PDLIM2: variants seen among roughly 807,000 people sequenced by gnomAD.
PDLIM2 encodes PDZ and LIM domain 2.
A neutral mutation model predicts 54.1 loss-of-function variants in PDLIM2; 51 were observed. That is an observed-to-expected ratio of 0.94 (90% confidence interval 0.75 to 1.19). The LOEUF is 1.19. Among genes scored for constraint, PDLIM2 ranks in the 50% most tolerant of loss-of-function variants. The probability of loss-of-function intolerance (pLI) is 0.00; values close to 1 mark genes in which losing one functional copy is unlikely to be tolerated. For missense variants in PDLIM2, 912 were observed against 874.0 expected (o/e 1.04, Z -0.55); for synonymous variants, 398 against 385.6 (o/e 1.03, Z -0.38).
At chr8:22,579,771 A>AG (rs753738989) in intron 1 of PDLIM2, 1 of 424,690 alleles carries the variant, frequency 2.4e-6, no homozygotes. Context: ...CTGGCTCCAG[A>AG]GCTAGAGGCT....
intron 2 of PDLIM2, 44 bp downstream of exon 1, chr8:22,580,741 C>T (rs372047724): frequency 2.8e-5 from 45 of 1,593,824 alleles, no homozygotes; most frequent in African/African-American, 5.4e-5. Flanking sequence ...CTGCCAGAAG[C>T]GAGGTCGGCC....
In PDLIM2 at chr8:22,589,244, G is replaced by T. The variant is rs1290640333; in HGVS notation, c.1291-54G>T. 4.6e-6 allele frequency: 7 copies of T among 1,521,770 alleles called. No individual in the cohort carries two copies. The East Asian group carries it at 1.2e-4, about 27-fold the overall frequency. The allele number at this position is 1,521,770 out of a possible 1,614,324, so 94.3% of individuals were successfully genotyped here. A position where few individuals can be genotyped will look rare whatever the true frequency, so the allele number is the denominator to read the frequency against. The stretch of plus-strand genomic sequence containing the variant: ...ACAGCCGGGCTAGGCCCTCCTGGGT[G>T]TGTTGGCCCAAGGCTCTGGCCCTGA... On this transcript the variant is annotated intron_variant, in intron 6 of 9. Coordinates refer to ENST00000308354, the Ensembl canonical transcript of PDLIM2.
In PDLIM2 at chr8:22,584,900, T is replaced by C; in HGVS notation, c.1065+10T>C. The C allele has an allele frequency of 6.2e-7, 1 of 1,614,066 alleles. No homozygotes were observed. The highest frequency in any genetic ancestry group is 8.5e-7 in the Non-Finnish European group (1 of 1,179,968). On this transcript the variant is annotated intron_variant, in intron 4 of 9. Coordinates refer to ENST00000308354, the Ensembl canonical transcript of PDLIM2. ...GGCGACTCGCTTCCAGGTAAGCTGG[T>C]GCCCTCCCCTGACAGCCTCAGCACC...
In PDLIM2 at chr8:22,583,213, G is replaced by A. The variant is rs1410440564; in HGVS notation, c.996-1608G>A. On this transcript the variant is annotated intron_variant, in intron 3 of 9. Transcript: ENST00000308354. ...TTTGGAAGAGGGTACCCAGGGAGCT[G>A]GGAGGGCGTGCCCCTCTCGCTGGTG... Among the ~76,000 whole-genome samples the A allele has an allele frequency of 2.0e-5, 3 of 152,234 alleles. No homozygotes were observed. In the East Asian group the frequency reaches 5.8e-4, roughly 30 times the overall value.
intron 9 of PDLIM2, chr8:22,593,117 G>C (rs1341554681): frequency 1.3e-5 from 2 of 152,420 alleles, no homozygotes; most frequent in Non-Finnish European, 2.9e-5. Context: ...TAAGTGATCT[G>C]TCCACCTGGG....
intron 9 of PDLIM2, 53 bp downstream of exon 8, chr8:22,591,721 G>C: frequency 6.7e-7 from 1 of 1,502,148 alleles, no homozygotes; most frequent in Non-Finnish European, 9.1e-7. Context: ...AGTGGGGAGG[G>C]GGACAGGGCA....
At position 22,591,558 on chromosome 8, in the gene PDLIM2, G is replaced by A. The variant is rs537830852; in HGVS notation, c.1521G>A (p.Thr507=). The A allele has an allele frequency of 1.1e-4, 174 of 1,613,588 alleles. 2 individuals carry two copies. The South Asian group carries it at 1.8e-3, about 16-fold the overall frequency. ...TGTCTGCCCTGCCCCCAGGTGGCAC[G>A]CCAGCCTTCTTGCCCAGCTCACTGA... Residue 507 remains threonine, a synonymous_variant, in exon 9 of 10, where the codon ACG becomes ACA. Transcript: ENST00000308354.
intron 9 of PDLIM2, 24 bp from the exon 9 acceptor site, chr8:22,593,709 C>A: frequency 6.4e-7 from 1 of 1,552,806 alleles, no homozygotes; most frequent in Non-Finnish European, 8.7e-7. Context: ...TGGCTCTGAG[C>A]TAAAGCCTCT....
downstream of PDLIM2, chr8:22,596,030 A>G (rs138196979): frequency 2.1e-3 from 325 of 152,530 alleles, 2 homozygotes; most frequent in African/African-American, 7.5e-3. Context: ...TCGGGCCCCA[A>G]GCCATCCTCC....
At chr8:22,579,627 G>A (rs1266288078) in intron 1 of PDLIM2, 3 of 1,300,326 alleles carry the variant, frequency 2.3e-6, no homozygotes, top group Admixed American at 7.6e-5. Flanking sequence ...GAAGGCAGCC[G>A]GGGATGGAGC....
chr8:22,591,768 C>T (rs1586929472), intron 9 of PDLIM2, 100 bp downstream of exon 8: 1 of 1,123,310 alleles, frequency 8.9e-7, no homozygotes, highest in Non-Finnish European at 1.3e-6. Context: ...CCATCAGGGG[C>T]TAGCACTGGG....
intron 9 of PDLIM2, 29 bp from the exon 9 acceptor site, chr8:22,593,703 TC>T (rs1333787826): frequency 1.3e-6 from 2 of 1,544,424 alleles, no homozygotes; most frequent in Admixed American, 2.0e-5. Context: ...GTGCTGTGGC[TC>T]TGAGCTAAAG....
At chr8:22,579,661 T>G in intron 1 of PDLIM2, 2 of 1,098,304 alleles carry the variant, frequency 1.8e-6, no homozygotes, top group Non-Finnish European at 2.4e-6. Flanking sequence ...GTGCTCTTGA[T>G]AGATTCTCGC....
intron 2 of PDLIM2, chr8:22,580,951 C>T: frequency 1.5e-6 from 1 of 677,864 alleles, no homozygotes; most frequent in Non-Finnish European, 2.8e-6. Context: ...TTGCTATCCC[C>T]ACACTTGCAG....
chr8:22,589,881 C>T (rs1012034079), intron 8 of PDLIM2, 140 bp downstream of exon 7: 2 of 1,229,554 alleles, frequency 1.6e-6, no homozygotes, highest in Admixed American at 2.5e-5. Flanking sequence ...GAGCAGAGCG[C>T]GAAGCCCCAG....
intron 2 of PDLIM2, 50 bp from the exon 2 acceptor site, chr8:22,581,329 C>T (rs771248243): frequency 2.3e-5 from 35 of 1,546,002 alleles, no homozygotes; most frequent in East Asian, 2.4e-5. Flanking sequence ...TGGGAAGTCC[C>T]TTCTCCAGCT....
At chr8:22,590,225 C>G (rs73672766) in intron 8 of PDLIM2, 4,138 of 164,042 alleles carry the variant, frequency 0.025, 195 homozygotes, top group African/African-American at 0.093. Context: ...CCAGTGGAGG[C>G]CAAGCCCCTG....
At chr8:22,594,842 C>T (rs1472612013), downstream of PDLIM2, 11 of 812,496 alleles carry the variant, frequency 1.4e-5, no homozygotes, top group South Asian at 2.0e-5. Context: ...AGGAGCCCTC[C>T]TGGAGCTCAG....
At chr8:22,579,179 C>T (rs1176866584) in exon 1 of PDLIM2, 2 of 1,367,612 alleles carry the variant, frequency 1.5e-6, no homozygotes, top group African/African-American at 1.5e-5. Flanking sequence ...CGCCTTCCCT[C>T]CCTCCCGGGC....
Sources: gnomAD v4.1 joint callset for allele counts (sites outside exome capture counted in the v4.1 genomes callset) on GRCh38, gnomAD v4.1.1 for gene constraint, MANE v1.5 for transcripts, NCBI Gene and HGNC (gene_info 2026-07-23, HGNC 2026-07-21) for gene names.